TMCC3: variants seen among roughly 807,000 people sequenced by gnomAD.
TMCC3 encodes the protein transmembrane and coiled-coil domain family 3, also known as transmembrane and coiled-coil domain protein 3.
In TMCC3, 28 loss-of-function variants were observed where a neutral mutation model predicts 40.2. That is an observed-to-expected ratio of 0.70 (90% CI 0.52 to 0.95). TMCC3 has a LOEUF of 0.95. Ranked by LOEUF, TMCC3 falls within the 40% of genes least tolerant of loss-of-function variation. The probability of loss-of-function intolerance (pLI) is 0.00; values close to 1 mark genes in which losing one functional copy is unlikely to be tolerated. For missense variants in TMCC3, 554 were observed against 615.2 expected, an observed-to-expected ratio of 0.90 and a Z score of 1.05; for synonymous variants, 255 against 248.5, an observed-to-expected ratio of 1.03 and a Z score of -0.25.
intron 1 of TMCC3, among the ~76,000 whole-genome samples, chr12:94,583,342 T>G (rs912360118): frequency 4.0e-5 from 6 of 151,838 alleles, no homozygotes; most frequent in Non-Finnish European, 8.8e-5. Flanking sequence ...CCATCTCTAC[T>G]AAAAATACAA....
chr12:94,571,863 C>A, intron 3 of TMCC3, 126 bp from the exon 4 acceptor site: 1 of 861,708 alleles, frequency 1.2e-6, no homozygotes, highest in Non-Finnish European at 1.8e-6. Context: ...TGCAAATCCC[C>A]AAACCGATGA....
rs959378828 is a variant in TMCC3 at position 94,643,499 on chromosome 12, C to T, written c.78+6854G>A. Reference sequence around the variant, plus strand: ...AACAGTCCATCCTCAGGAGACCAAACATCAGGCAAAAACACGGTTCTTTAA... The same window carrying T: ...AACAGTCCATCCTCAGGAGACCAAATATCAGGCAAAAACACGGTTCTTTAA... On this transcript the variant is annotated intron_variant, in intron 1 of 3. Coordinates refer to ENST00000261226, the MANE Select transcript of TMCC3 (RefSeq NM_020698.4). Among the ~76,000 whole-genome samples the T allele has an allele frequency of 1.9e-4, 29 of 152,326 alleles. 1 individual carries two copies. Among genetic ancestry groups the T allele is most frequent in the Middle Eastern group, 3.4e-3 (1 of 294 alleles).
chr12:94,632,944 TA>T (rs2068941059), intron 1 of TMCC3, among the ~76,000 whole-genome samples: 1 of 152,002 alleles, frequency 6.6e-6, no homozygotes, highest in African/African-American at 2.4e-5. Flanking sequence ...CCATCTCTAC[TA>T]AAAATGCAAA....
chr12:94,629,594 C>T (rs537811435), intron 1 of TMCC3, among the ~76,000 whole-genome samples: 9 of 152,264 alleles, frequency 5.9e-5, no homozygotes, highest in South Asian at 2.1e-4. Flanking sequence ...TGAGACCTCA[C>T]GATCGGGCCT....
rs766236494 is a variant in TMCC3 at position 94,582,519 on chromosome 12, T to C, written c.98A>G (p.Asn33Ser). The C allele has an allele frequency of 1.7e-5, 27 of 1,606,388 alleles. No individual in the cohort carries two copies. Among genetic ancestry groups the C allele is most frequent in the Non-Finnish European group, 2.3e-5 (27 of 1,177,182 alleles). ...TATGTTCAGGGGCAGGCTTAAGGTA[T>C]TCATGTCATGACGTTCTACCTGAAA... ...CKSRVERHDM[N>S]TLSLPLNIRR... Residue 33 changes from asparagine (N) to serine (S), a missense_variant, in exon 2 of 4, where the codon AAT becomes AGT. Transcript: ENST00000261226.
chr12:94,606,370 CTT>C (rs11361924), intron 1 of TMCC3, among the ~76,000 whole-genome samples: 50,635 of 141,548 alleles, frequency 0.36, 9,854 homozygotes, highest in Middle Eastern at 0.46. Context: ...TTTTCTTATT[CTT>C]TTTTTTTTTT....
chr12:94,601,144 T>C (rs1041138351), intron 1 of TMCC3, among the ~76,000 whole-genome samples: 5 of 152,180 alleles, frequency 3.3e-5, no homozygotes, highest in African/African-American at 1.2e-4. Context: ...TCTGGACAAC[T>C]GGATATTAGA....
intron 1 of TMCC3, among the ~76,000 whole-genome samples, chr12:94,606,837 T>G (rs528452943): frequency 6.6e-6 from 1 of 152,078 alleles, no homozygotes; most frequent in Non-Finnish European, 1.5e-5. Flanking sequence ...AAGGCAAAAT[T>G]AGAATTACTG....
Position 94,582,208 on chromosome 12 carries a change from G to C in TMCC3, c.409C>G (p.His137Asp). Residue 137 changes from histidine to aspartate, a missense_variant, in exon 2 of 4, where the codon CAT becomes GAT. By Grantham distance (81) the His-to-Asp change is moderately conservative. Coordinates refer to ENST00000261226, the MANE Select transcript of TMCC3 (RefSeq NM_020698.4). ...AQLQKKLEQY[H>D]RKLREIEQNG... ...TGCTCGATCTCTCTGAGCTTTCGATGATACTGCTCTAACTTCTTCTGCAGC... is the reference window on the plus strand; with the variant it reads ...TGCTCGATCTCTCTGAGCTTTCGATCATACTGCTCTAACTTCTTCTGCAGC... 6.2e-7 allele frequency: 1 copy of C among 1,614,148 alleles called. No individual in the cohort carries two copies. Among genetic ancestry groups the C allele is most frequent in the South Asian group, 1.1e-5 (1 of 91,086 alleles).
intron 1 of TMCC3, among the ~76,000 whole-genome samples, chr12:94,600,941 T>A (rs2068748784): frequency 6.6e-6 from 1 of 152,210 alleles, no homozygotes; most frequent in Non-Finnish European, 1.5e-5. Flanking sequence ...ACGAACCCAA[T>A]TTCTCTATGT....
chr12:94,588,247 G>A (rs905064290), intron 1 of TMCC3, among the ~76,000 whole-genome samples: 3 of 152,162 alleles, frequency 2.0e-5, no homozygotes, highest in Admixed American at 2.0e-4. Context: ...TAAAGCTCCA[G>A]AGGGAGATGA....
At chr12:94,602,857 T>C (rs1216098370) in intron 1 of TMCC3, among the ~76,000 whole-genome samples, 1 of 152,134 alleles carries the variant, frequency 6.6e-6, no homozygotes, top group Non-Finnish European at 1.5e-5. Flanking sequence ...ACAACTGAAC[T>C]AGATCACTCG....
Position 94,593,379 on chromosome 12 carries a change from A to AAG in TMCC3, c.79-10842_79-10841insCT, listed in dbSNP as rs1245950059. On this transcript the variant is annotated intron_variant, in intron 1 of 3. Transcript: ENST00000261226. Reference sequence around the variant, plus strand: ...CCATCTAAAAAAAAAAAAAGAAAAGAAAAGAAAGAAGAAAGAAGAAAGAAG... The same window carrying AAG: ...CCATCTAAAAAAAAAAAAAGAAAAGAAGAAAGAAAGAAGAAAGAAGAAAGAAG... Among the ~76,000 whole-genome samples, 15 of 65,558 alleles carry AAG rather than the reference A, an allele frequency of 2.3e-4. 3 individuals carry two copies. The highest frequency in any genetic ancestry group is 3.3e-4 in the African/African-American group (4 of 12,194). 43.0% of individuals were successfully genotyped at this position (65,558 alleles called of 152,430 possible).
At chr12:94,575,359 T>C (rs2068557406) in intron 3 of TMCC3, among the ~76,000 whole-genome samples, 1 of 152,234 alleles carries the variant, frequency 6.6e-6, no homozygotes, top group Non-Finnish European at 1.5e-5. Context: ...ATTTCAATAC[T>C]TTACATGATT....
intron 3 of TMCC3, 150 bp downstream of exon 3, chr12:94,578,244 C>G (rs557980981): frequency 1.1e-5 from 8 of 728,824 alleles, no homozygotes; most frequent in Admixed American, 5.2e-5. Context: ...GTGGGGTTAA[C>G]GTGGTACAGA....
chr12:94,605,920 C>T (rs1463467675), intron 1 of TMCC3, among the ~76,000 whole-genome samples: 11 of 152,010 alleles, frequency 7.2e-5, no homozygotes, highest in Non-Finnish European at 1.2e-4. Flanking sequence ...GAAAGTACCA[C>T]GGTTACACCA....
intron 1 of TMCC3, among the ~76,000 whole-genome samples, chr12:94,589,155 G>A (rs903639529): frequency 5.1e-4 from 77 of 151,708 alleles, no homozygotes; most frequent in African/African-American, 1.6e-3. Context: ...TTAGCTCATT[G>A]GCTATCGTTA....
intron 1 of TMCC3, among the ~76,000 whole-genome samples, chr12:94,595,824 C>G (rs1309896713): frequency 6.6e-6 from 1 of 151,540 alleles, no homozygotes; most frequent in Non-Finnish European, 1.5e-5. Context: ...TAAAAAGCTG[C>G]CTTTAGTTGT....
In TMCC3 at chr12:94,582,994, T is replaced by TA. The variant is rs72289280; in HGVS notation, c.79-457dup. Among the ~76,000 whole-genome samples the TA allele has an allele frequency of 1.1e-3, 20 of 18,594 alleles. No individual in the cohort carries two copies. The South Asian group carries it at 0.013, about 12-fold the overall frequency. The allele number at this position is 18,594 out of a possible 152,430, so 12.2% of individuals were successfully genotyped here. ...TTTTTTTTTTTTTTTTTTTTTTTTT[T>TA]AAAAAAGAAAGATGGGGAAAAATAG... On this transcript the variant is annotated intron_variant, in intron 1 of 3. Transcript: ENST00000261226.
Sources: allele counts gnomAD v4.1 joint callset (sites outside exome capture counted in the v4.1 genomes callset), GRCh38; gene constraint gnomAD v4.1.1; transcripts MANE v1.5; gene names NCBI Gene and HGNC (gene_info 2026-07-23, HGNC 2026-07-21).